Variants in TSNARE1 observed in about 807,000 individuals in gnomAD.
TSNARE1 encodes t-SNARE domain containing 1, also known as t-SNARE domain-containing protein 1.
TSNARE1 carries 49 observed loss-of-function variants against 62.0 expected under a neutral mutation model. The ratio of observed to expected loss-of-function variants is 0.79; its 90% CI spans 0.63 to 1.00. The LOEUF (loss-of-function observed/expected upper bound fraction) is 1.00, where lower values mean the gene tolerates loss of function less well. Among genes scored for constraint, TSNARE1 ranks in the 50% least tolerant of loss-of-function variants. TSNARE1 has a pLI of 0.00. For missense variants in TSNARE1, 755 were observed against 700.1 expected, an observed-to-expected ratio of 1.08 and a Z score of -0.88; for synonymous variants, 328 against 294.4, an observed-to-expected ratio of 1.11 and a Z score of -1.17.
rs188326786 is a variant in TSNARE1, at chr8:142,247,389, A to C, written c.1447-17810T>G. ...ATGTTGTCTGTCTGTTGGGTTTTGG[A>C]CTCTTACTTGGGACCAGTGACCCCT... On this transcript the variant is annotated intron_variant, in intron 12 of 13. Coordinates refer to ENST00000524325, the MANE Select transcript of TSNARE1 (RefSeq NM_145003.5). Among the ~76,000 whole-genome samples, 227 of 151,770 alleles carry C rather than the reference A, an allele frequency of 1.5e-3. 3 individuals are homozygous for C. Among genetic ancestry groups the C allele is most frequent in the Admixed American group, 0.014 (215 of 15,264 alleles).
At chr8:142,226,247 T>C (rs1188802557) in intron 13 of TSNARE1, among the ~76,000 whole-genome samples, 2 of 152,202 alleles carry the variant, frequency 1.3e-5, no homozygotes, top group Non-Finnish European at 2.9e-5. Context: ...TCCGGCTGGC[T>C]TGGGGCTGCA....
chr8:142,400,239 G>A lies in TSNARE1; in HGVS notation c.-40+2865C>T, dbSNP rs551106287. 3.3e-5 allele frequency among the ~76,000 whole-genome samples: 5 copies of A among 151,510 alleles called. No individual in the cohort carries two copies. In the South Asian group the frequency reaches 8.3e-4, roughly 25 times the overall value. ...CAGGTTGATCACCTAAAGGTCAGTA[G>A]TTTGAGTCCAGCCTAGCCAACATGG... On this transcript the variant is annotated intron_variant, in intron 1 of 13. Coordinates refer to ENST00000524325, the MANE Select transcript of TSNARE1 (RefSeq NM_145003.5).
chr8:142,340,261 G>A (rs1832387142), intron 4 of TSNARE1, among the ~76,000 whole-genome samples: 1 of 152,224 alleles, frequency 6.6e-6, no homozygotes, highest in Non-Finnish European at 1.5e-5. Context: ...CCCTGGCCGA[G>A]GCATGTCCCG....
rs1195861380 is a variant in TSNARE1 at position 142,319,718 on chromosome 8, A to G, written c.894-1084T>C. ...GGCACCACCACTGCAGGCCAAGCCT[A>G]CAGGAGCGGGGCCCACCTCCTGATA... is the stretch of plus-strand genomic sequence containing the variant. On this transcript the variant is annotated intron_variant, in intron 6 of 13. Transcript: ENST00000524325. The surrounding 1 kb of genome is among the most constrained non-coding windows in gnomAD (Gnocchi z 4.9). Among the ~76,000 whole-genome samples the G allele has an allele frequency of 1.3e-5, 2 of 152,120 alleles. No homozygotes were observed. The highest frequency in any genetic ancestry group is 4.1e-4 in the South Asian group (2 of 4,838).
chr8:142,261,688 T>C (rs1285852580), intron 12 of TSNARE1, among the ~76,000 whole-genome samples: 1 of 152,010 alleles, frequency 6.6e-6, no homozygotes, highest in Non-Finnish European at 1.5e-5. Flanking sequence ...AGGGGGTTAT[T>C]ATTCTCCTTT....
At chr8:142,259,797 G>A (rs532903225) in intron 12 of TSNARE1, among the ~76,000 whole-genome samples, 5 of 152,176 alleles carry the variant, frequency 3.3e-5, no homozygotes, top group South Asian at 2.1e-4. Context: ...TTAGAATACC[G>A]AGTTGCTAAG....
At chr8:142,377,376 TA>T (rs1416991667) in intron 1 of TSNARE1, among the ~76,000 whole-genome samples, 6 of 150,788 alleles carry the variant, frequency 4.0e-5, no homozygotes, top group Admixed American at 2.6e-4. Context: ...TTCTATAAGT[TA>T]AAATGCAACA....
intron 10 of TSNARE1, among the ~76,000 whole-genome samples, chr8:142,294,171 G>T (rs1034219197): frequency 2.0e-5 from 3 of 152,082 alleles, no homozygotes; most frequent in Non-Finnish European, 4.4e-5. Flanking sequence ...AGGGAAGGTG[G>T]AGGGCGGTGT....
At chr8:142,229,016 TTGA>T (rs916057362) in intron 13 of TSNARE1, among the ~76,000 whole-genome samples, 14 of 149,992 alleles carry the variant, frequency 9.3e-5, no homozygotes, top group African/African-American at 3.0e-4. Context: ...GGTGGATGAG[TTGA>T]TGGATGGATG....
At chr8:142,384,141 C>T (rs1430601562) in intron 1 of TSNARE1, among the ~76,000 whole-genome samples, 2 of 152,206 alleles carry the variant, frequency 1.3e-5, no homozygotes, top group East Asian at 1.9e-4. Flanking sequence ...CCTGAACAGT[C>T]GACAGACCCA....
At chr8:142,388,686 T>C (rs760999917) in intron 1 of TSNARE1, among the ~76,000 whole-genome samples, 2 of 151,142 alleles carry the variant, frequency 1.3e-5, no homozygotes, top group Non-Finnish European at 2.9e-5. Context: ...GCCTCCTGAG[T>C]AGCTGGGATT....
chr8:142,302,020 C>T (rs1303738068), intron 9 of TSNARE1, among the ~76,000 whole-genome samples: 4 of 152,320 alleles, frequency 2.6e-5, no homozygotes, highest in East Asian at 1.9e-4. Context: ...ACTGATGCCA[C>T]GCCGGCCACT....
intron 13 of TSNARE1, among the ~76,000 whole-genome samples, chr8:142,215,211 C>T (rs1253648090): frequency 6.6e-6 from 1 of 152,232 alleles, no homozygotes; most frequent in Non-Finnish European, 1.5e-5. Context: ...AGGCACTGCA[C>T]TGCTCTGGCA....
chr8:142,264,119 G>C (rs1156667702), intron 12 of TSNARE1, among the ~76,000 whole-genome samples: 1 of 152,178 alleles, frequency 6.6e-6, no homozygotes, highest in African/African-American at 2.4e-5. Context: ...ATTTTCAATA[G>C]TATCCAATCA....
At chr8:142,311,753 T>C (rs192005437) in intron 9 of TSNARE1, among the ~76,000 whole-genome samples, 1 of 152,212 alleles carries the variant, frequency 6.6e-6, no homozygotes, top group Admixed American at 6.5e-5. Context: ...GGACTCTATA[T>C]TCTTTAGATT....
chr8:142,217,334 A>AAAAGG (rs1491166851), intron 13 of TSNARE1, among the ~76,000 whole-genome samples: 2 of 79,238 alleles, frequency 2.5e-5, no homozygotes, highest in African/African-American at 4.6e-5. Flanking sequence ...AAAGAAAGAA[A>AAAAGG]GAAAGAAAGA....
rs1303772031 is a variant in TSNARE1, at chr8:142,314,432, T to C, written c.1083A>G (p.Ala361=). The C allele has an allele frequency of 6.2e-7, 1 of 1,613,796 alleles. No individual in the cohort carries two copies. Among genetic ancestry groups the C allele is most frequent in the East Asian group, 2.2e-5 (1 of 44,890 alleles). Reference sequence around the variant, plus strand: ...TGGGAAGCAGCGCTCTGGACTTTTCTGCAATTTTCTGTTGAAAAAAGGACA... The same window carrying C: ...TGGGAAGCAGCGCTCTGGACTTTTCCGCAATTTTCTGTTGAAAAAAGGACA... ...QCYGVVQKKI[A]EKSRALLPMA... The change falls in exon 9 of 14, where the codon GCA becomes GCG. Residue 361 remains alanine (A), a synonymous_variant. Coordinates refer to ENST00000524325, the MANE Select transcript of TSNARE1 (RefSeq NM_145003.5).
intron 7 of TSNARE1, among the ~76,000 whole-genome samples, chr8:142,317,393 C>T (rs113478112): frequency 4.2e-5 from 6 of 143,900 alleles, no homozygotes; most frequent in Admixed American, 1.4e-4. Flanking sequence ...TCACACTGTA[C>T]GCGTGAAGCG....
In TSNARE1 at chr8:142,395,093, G is replaced by A. The variant is rs142224569; in HGVS notation, c.-40+8011C>T. 4.0e-3 allele frequency among the ~76,000 whole-genome samples: 608 copies of A among 152,260 alleles called. 3 individuals carry two copies. The highest frequency in any genetic ancestry group is 0.014 in the African/African-American group (575 of 41,552). On this transcript the variant is annotated intron_variant, in intron 1 of 13. Transcript: ENST00000524325. ...CCTGCTCCTGGCAGGGAAGGGGGGC[G>A]GCCCCGTGCATCAAAGGCTGAGCGG...
Sources: allele counts gnomAD v4.1 joint callset (sites outside exome capture counted in the v4.1 genomes callset), GRCh38; gene constraint gnomAD v4.1.1; non-coding constraint Gnocchi (gnomAD v3.1); transcripts MANE v1.5; gene names NCBI Gene and HGNC (gene_info 2026-07-23, HGNC 2026-07-21).